The following ZDHHC7 variants were observed in gnomAD, a reference collection of about 807,000 sequenced individuals.
ZDHHC7 encodes zDHHC palmitoyltransferase 7.
ZDHHC7 carries 12 observed loss-of-function variants against 34.1 expected under a neutral mutation model. The ratio of observed to expected loss-of-function variants is 0.35; its 90% CI spans 0.23 to 0.57. The LOEUF is 0.57. Among genes scored for constraint, ZDHHC7 ranks in the 20% least tolerant of loss-of-function variants. The probability of loss-of-function intolerance (pLI) is 0.84; values close to 1 mark genes in which losing one functional copy is unlikely to be tolerated. For missense variants in ZDHHC7, 388 were observed against 402.7 expected (o/e 0.96, Z 0.31); for synonymous variants, 185 against 155.4 (o/e 1.19, Z -1.42).
intron 4 of ZDHHC7, among the ~76,000 whole-genome samples, 185 bp downstream of exon 4, chr16:84,981,685 G>A (rs947027854): frequency 1.3e-4 from 20 of 152,218 alleles, no homozygotes; most frequent in African/African-American, 4.8e-4. Context: ...AGACTCTAGG[G>A]CACCGGCCCT....
At chr16:85,019,419 AAAG>A in the ZDHHC7 span, among the ~76,000 whole-genome samples, 643 of 152,162 alleles carry the variant, frequency 4.2e-3, 6 homozygotes, top group African/African-American at 0.015. Flanking sequence ...CTGCCTCTAA[AAAG>A]AAGTAGTCAT....
At chr16:85,011,640 A>G (rs898216667), upstream of ZDHHC7, 1 of 152,164 alleles carries the variant, frequency 6.6e-6, no homozygotes, top group Non-Finnish European at 1.5e-5. Flanking sequence ...GGCTCTTACA[A>G]ACTGGCAGTT....
intron 3 of ZDHHC7, among the ~76,000 whole-genome samples, chr16:84,982,707 G>A (rs925364938): frequency 1.3e-5 from 2 of 152,242 alleles, no homozygotes; most frequent in African/African-American, 2.4e-5. Flanking sequence ...TGGAGGTGGC[G>A]GTCCAGACCA....
At chr16:85,008,502 A>ACCCC (rs61339076) in intron 1 of ZDHHC7, among the ~76,000 whole-genome samples, 1 of 137,250 alleles carries the variant, frequency 7.3e-6, no homozygotes, top group African/African-American at 2.9e-5. Flanking sequence ...CACCACCTAC[A>ACCCC]CCCCCCCCCA....
At position 84,976,616 on chromosome 16, in the gene ZDHHC7, C is replaced by T. The variant is rs150265524; in HGVS notation, c.751-97G>A. 8.8e-6 allele frequency: 13 copies of T among 1,472,790 alleles called. No individual in the cohort carries two copies. In the African/African-American group the frequency reaches 1.0e-4, roughly 11 times the overall value. 91.2% of individuals were successfully genotyped at this position (1,472,790 alleles called of 1,614,324 possible). On this transcript the variant is annotated intron_variant, in intron 7 of 7. Transcript: ENST00000313732. Reference sequence around the variant, plus strand: ...ACACCGTGCTCAAGCACAGTGTGGGCTCGATGGAGGGTAGGTGAGTGAACT... The same window carrying T: ...ACACCGTGCTCAAGCACAGTGTGGGTTCGATGGAGGGTAGGTGAGTGAACT...
chr16:84,990,494 A>T lies in ZDHHC7; in HGVS notation c.125T>A (p.Ile42Asn). 2.5e-6 allele frequency: 4 copies of T among 1,614,194 alleles called. No homozygotes were observed. The highest frequency in any genetic ancestry group is 3.4e-6 in the Non-Finnish European group (4 of 1,180,032). The change falls in exon 3 of 8, where the codon ATC becomes AAC. Residue 42 changes from isoleucine to asparagine, a missense_variant. Coordinates refer to ENST00000313732, the MANE Select transcript of ZDHHC7 (RefSeq NM_017740.3). ...EADVADRVWF[I>N]RDGCGMICAV... is the part of the protein sequence containing the mutation. Reference sequence around the variant, plus strand: ...ACAGATCATGCCGCAGCCGTCACGGATGAACCAGACCCGGTCAGCCACGTC... The same window carrying T: ...ACAGATCATGCCGCAGCCGTCACGGTTGAACCAGACCCGGTCAGCCACGTC...
Position 84,976,481 on chromosome 16 carries a change from C to A in ZDHHC7, c.789G>T (p.Glu263Asp), listed in dbSNP as rs2072298857. 6.2e-7 allele frequency: 1 copy of A among 1,613,922 alleles called. No individual in the cohort carries two copies. The highest frequency in any genetic ancestry group is 8.5e-7 in the Non-Finnish European group (1 of 1,180,028). ...ERLKSEKPTW[E>D]RRLRWEGMKS... ...TCATCCCTTCCCATCGCAGCCTCCGCTCCCATGTGGGCTTCTCACTTTTCA... is the reference window on the plus strand; with the variant it reads ...TCATCCCTTCCCATCGCAGCCTCCGATCCCATGTGGGCTTCTCACTTTTCA... The change falls in exon 8 of 8, where the codon GAG becomes GAT. Residue 263 changes from glutamate to aspartate, a missense_variant. Transcript: ENST00000313732.
intron 5 of ZDHHC7, 126 bp downstream of exon 5, chr16:84,979,063 T>C: frequency 1.0e-5 from 9 of 895,124 alleles, no homozygotes; most frequent in Non-Finnish European, 1.5e-5. Flanking sequence ...GTATTATAAT[T>C]TGAATCCTGG....
At chr16:85,011,583 C>G (rs1434041230), upstream of ZDHHC7, 1 of 152,258 alleles carries the variant, frequency 6.6e-6, no homozygotes. Context: ...TCCGGCCGCG[C>G]AGCTCTCGCG....
At position 84,976,113 on chromosome 16, in the gene ZDHHC7, T is replaced by C. The variant is rs1370598782; in HGVS notation, c.*230A>G. On this transcript the variant is annotated 3_prime_UTR_variant, in exon 8 of 8. Transcript: ENST00000313732. ...CCAGCTCTGCAGGAGGCCACGGCGT[T>C]TGGCTTCTTCGTGTGGCCACACACC... 1.2e-5 allele frequency: 7 copies of C among 563,526 alleles called. No homozygotes were observed. In the Admixed American group the frequency reaches 2.6e-4, roughly 21 times the overall value. The allele number at this position is 563,526 out of a possible 1,614,324, so 34.9% of individuals were successfully genotyped here. A position where few individuals can be genotyped will look rare whatever the true frequency, so the allele number is the denominator to read the frequency against.
At chr16:84,999,492 A>G (rs2072626100) in intron 1 of ZDHHC7, among the ~76,000 whole-genome samples, 1 of 152,240 alleles carries the variant, frequency 6.6e-6, no homozygotes, top group South Asian at 2.1e-4. Flanking sequence ...AATAGATAAC[A>G]AACATTGGTG....
At chr16:85,018,699 C>G in the ZDHHC7 span, among the ~76,000 whole-genome samples, 1 of 152,108 alleles carries the variant, frequency 6.6e-6, no homozygotes, top group Non-Finnish European at 1.5e-5. Flanking sequence ...ATCCGCCCAC[C>G]TTGGCCTCCC....
chr16:85,020,284 T>A, the ZDHHC7 span, among the ~76,000 whole-genome samples: 1 of 152,234 alleles, frequency 6.6e-6, no homozygotes, highest in African/African-American at 2.4e-5. Flanking sequence ...CCTGCGATCC[T>A]GGTTTTAAAC....
the ZDHHC7 span, among the ~76,000 whole-genome samples, chr16:85,021,096 C>A: frequency 1.3e-5 from 2 of 150,090 alleles, no homozygotes; most frequent in South Asian, 4.2e-4. Flanking sequence ...CAGAGCAAGA[C>A]CCTCTCTTAA....
At chr16:85,014,425 C>G (rs895939247), upstream of ZDHHC7, among the ~76,000 whole-genome samples, 2 of 152,138 alleles carry the variant, frequency 1.3e-5, no homozygotes, top group South Asian at 4.1e-4. Flanking sequence ...ATTTAACATT[C>G]CACAGTGAAG....
chr16:84,983,079 C>T lies in ZDHHC7; in HGVS notation c.316-1085G>A, dbSNP rs561619786. Among the ~76,000 whole-genome samples, 5 of 152,310 alleles carry T rather than the reference C, an allele frequency of 3.3e-5. No individual in the cohort carries two copies. In the East Asian group the frequency reaches 5.8e-4, roughly 18 times the overall value. ...AAATAGGCAGACCTGCCTGGGGGTT[C>T]CAATGCCTCAAGAAGAGGAACAAGG... On this transcript the variant is annotated intron_variant, in intron 3 of 7. Transcript: ENST00000313732.
chr16:85,003,029 C>A (rs1418938590), intron 1 of ZDHHC7, among the ~76,000 whole-genome samples: 1 of 152,082 alleles, frequency 6.6e-6, no homozygotes, highest in Non-Finnish European at 1.5e-5. Flanking sequence ...AAGCCCAGCC[C>A]AGCACCATAA....
At position 84,976,354 on chromosome 16, in the gene ZDHHC7, ACTCCGGGCCACCTTTTCTGGGT is replaced by A; in HGVS notation, c.894_915del (p.Arg298SerfsTer55). ...TGATGAGCCACGCCTCACACTGAGA[ACTCCGGGCCACCTTTTCTGGGT>A]CTCGTGGGCAGTCGCCTAAATCGGA... On this transcript the variant is annotated frameshift_variant, in exon 8 of 8. Coordinates refer to ENST00000313732, the MANE Select transcript of ZDHHC7 (RefSeq NM_017740.3). LOFTEE classifies it high-confidence loss of function. 6.2e-7 allele frequency: 1 copy of A among 1,613,696 alleles called. No homozygotes were observed. The highest frequency in any genetic ancestry group is 8.5e-7 in the Non-Finnish European group (1 of 1,179,934).
At chr16:85,020,789 T>C in the ZDHHC7 span, among the ~76,000 whole-genome samples, 1 of 152,130 alleles carries the variant, frequency 6.6e-6, no homozygotes, top group Non-Finnish European at 1.5e-5. Context: ...ACTGAAGGAC[T>C]GGAGCACATT....
Sources: gnomAD v4.1 joint callset for allele counts (sites outside exome capture counted in the v4.1 genomes callset) on GRCh38, gnomAD v4.1.1 for gene constraint, MANE v1.5 for transcripts, NCBI Gene and HGNC (gene_info 2026-07-23, HGNC 2026-07-21) for gene names.